Variants in MLLT3 observed in about 807,000 individuals in gnomAD.
MLLT3 encodes the protein MLLT3 super elongation complex subunit, also known as protein AF-9.
A neutral mutation model predicts 53.2 loss-of-function variants in MLLT3; 4 were observed. The observed-to-expected ratio is 0.08, with a 90% CI of 0.04 to 0.17. The LOEUF is 0.17. Among genes scored for constraint, MLLT3 ranks in the 10% least tolerant of loss-of-function variants. The pLI, the probability that MLLT3 is intolerant of heterozygous loss-of-function variation, is 1.00. For missense variants in MLLT3, 569 were observed against 684.0 expected, an observed-to-expected ratio of 0.83 and a Z score of 1.87; for synonymous variants, 283 against 230.6, an observed-to-expected ratio of 1.23 and a Z score of -2.06.
chr9:20,571,151 GATTT>G, intron 2 of MLLT3, among the ~76,000 whole-genome samples: 1 of 152,174 alleles, frequency 6.6e-6, no homozygotes, highest in Non-Finnish European at 1.5e-5. Flanking sequence ...GGGAAACAAA[GATTT>G]ATTTTCATAT....
At position 20,346,615 on chromosome 9, in the gene MLLT3, A is replaced by T. The variant is rs780004593; in HGVS notation, c.1576-41T>A. On this transcript the variant is annotated intron_variant, in intron 10 of 10. Transcript: ENST00000380338. ...AGAGAAAGTTTGGGCAATACGCAGCAAACATCAAAAGGCAAAGAGAGAGTA... is the reference window on the plus strand; with the variant it reads ...AGAGAAAGTTTGGGCAATACGCAGCTAACATCAAAAGGCAAAGAGAGAGTA... The T allele has an allele frequency of 3.1e-5, 49 of 1,598,256 alleles. 1 individual carries two copies. In the South Asian group the frequency reaches 5.2e-4, roughly 17 times the overall value.
chr9:20,518,347 AAAACAAACAAAC>A (rs898253780), intron 2 of MLLT3, among the ~76,000 whole-genome samples: 1 of 152,318 alleles, frequency 6.6e-6, no homozygotes, highest in Non-Finnish European at 1.5e-5. Context: ...ACTCCGTCTC[AAAACAAACAAAC>A]AAACAAACAA....
chr9:20,365,494 C>T (rs957927150), intron 6 of MLLT3, among the ~76,000 whole-genome samples, 175 bp downstream of exon 6: 12 of 152,278 alleles, frequency 7.9e-5, no homozygotes, highest in Middle Eastern at 3.4e-3. Flanking sequence ...CATGCCACCA[C>T]GCCTGGCTAA....
At chr9:20,548,883 C>G (rs531371432) in intron 2 of MLLT3, among the ~76,000 whole-genome samples, 14 of 151,586 alleles carry the variant, frequency 9.2e-5, no homozygotes, top group Non-Finnish European at 1.9e-4. Context: ...TGCAGTGGCA[C>G]CATCACTGCA....
intron 5 of MLLT3, among the ~76,000 whole-genome samples, chr9:20,393,534 G>A (rs893412370): frequency 6.6e-6 from 1 of 152,100 alleles, no homozygotes; most frequent in Non-Finnish European, 1.5e-5. Context: ...ATTTCCCTTC[G>A]ATTTCAAAAA....
chr9:20,345,612 C>G lies in MLLT3; in HGVS notation c.*831G>C, dbSNP rs549664983. The G allele has an allele frequency of 1.5e-4, 32 of 208,494 alleles. No homozygotes were observed. The highest frequency in any genetic ancestry group is 1.2e-3 in the Admixed American group (21 of 16,846). The allele number at this position is 208,494 out of a possible 1,614,324, so 12.9% of individuals were successfully genotyped here. A position where few individuals can be genotyped will look rare whatever the true frequency, so the allele number is the denominator to read the frequency against. On this transcript the variant is annotated 3_prime_UTR_variant, in exon 11 of 11. Coordinates refer to ENST00000380338, the MANE Select transcript of MLLT3 (RefSeq NM_004529.4). ...CAGCTCAACAATGCTGGATTCAGGA[C>G]ATTTACAGGTACACTTTTGTTTAAA...
At chr9:20,504,761 C>A (rs1176520451) in intron 2 of MLLT3, among the ~76,000 whole-genome samples, 2 of 151,908 alleles carry the variant, frequency 1.3e-5, no homozygotes, top group African/African-American at 4.8e-5. Context: ...ATGATGAGTA[C>A]CTGAGATAAT....
intron 2 of MLLT3, among the ~76,000 whole-genome samples, chr9:20,504,253 C>T (rs781163422): frequency 5.3e-4 from 81 of 151,934 alleles, no homozygotes; most frequent in African/African-American, 1.8e-3. Flanking sequence ...ATTTTCACTG[C>T]AGTACTAGTT....
At chr9:20,388,493 C>A (rs1451812745) in intron 5 of MLLT3, among the ~76,000 whole-genome samples, 1 of 152,058 alleles carries the variant, frequency 6.6e-6, no homozygotes, top group Non-Finnish European at 1.5e-5. Context: ...GAGGCTGAGG[C>A]AGGAGAATGG....
Position 20,448,299 on chromosome 9 carries a change from G to C in MLLT3, c.277-33C>G. 6.2e-7 allele frequency: 1 copy of C among 1,604,712 alleles called. No homozygotes were observed. The highest frequency in any genetic ancestry group is 1.3e-5 in the African/African-American group (1 of 74,484). On this transcript the variant is annotated intron_variant, in intron 3 of 10. Coordinates refer to ENST00000380338, the MANE Select transcript of MLLT3 (RefSeq NM_004529.4). The surrounding 1 kb of genome is among the most constrained non-coding windows in gnomAD (Gnocchi z 4.0). ...TTAACAAAAATTATGAAAGAAAAAA[G>C]AGAGTGAGGCATAAGTGAAATTTTA...
chr9:20,488,682 G>A (rs1824872668), intron 2 of MLLT3, among the ~76,000 whole-genome samples: 1 of 152,158 alleles, frequency 6.6e-6, no homozygotes, highest in Admixed American at 6.5e-5. Context: ...GCTTCTGAAA[G>A]ATTTGCTCTC....
At chr9:20,377,378 G>T (rs1821794470) in intron 5 of MLLT3, among the ~76,000 whole-genome samples, 1 of 151,904 alleles carries the variant, frequency 6.6e-6, no homozygotes, top group Non-Finnish European at 1.5e-5. Context: ...ATTGAACAAA[G>T]TCATAAAAAG....
intron 2 of MLLT3, among the ~76,000 whole-genome samples, chr9:20,525,940 C>A (rs1250696449): frequency 1.3e-5 from 2 of 152,148 alleles, no homozygotes; most frequent in Non-Finnish European, 2.9e-5. Context: ...AAAAGCAATA[C>A]ATTTTATAAT....
chr9:20,463,403 G>A (rs901574733), intron 2 of MLLT3, among the ~76,000 whole-genome samples: 1 of 151,892 alleles, frequency 6.6e-6, no homozygotes, highest in Non-Finnish European at 1.5e-5. Flanking sequence ...CATCTTGAGG[G>A]AATATAACAG....
intron 4 of MLLT3, among the ~76,000 whole-genome samples, chr9:20,419,580 C>G (rs1822956160): frequency 6.7e-6 from 1 of 149,818 alleles, no homozygotes; most frequent in African/African-American, 2.4e-5. Context: ...AGAATAATTA[C>G]TTAAAATTGA....
intron 2 of MLLT3, among the ~76,000 whole-genome samples, chr9:20,556,165 TTTTA>T (rs1200099960): frequency 1.3e-5 from 2 of 152,288 alleles, no homozygotes; most frequent in South Asian, 2.1e-4. Flanking sequence ...ACAGAAATAT[TTTTA>T]TTTTTTATCA....
At chr9:20,456,633 A>C in intron 3 of MLLT3, 71 bp downstream of exon 3, 1 of 1,118,902 alleles carries the variant, frequency 8.9e-7, no homozygotes, top group South Asian at 1.3e-5. Flanking sequence ...TTATGAGTCA[A>C]AATTATTTTA....
At chr9:20,508,379 T>C (rs374923598) in intron 2 of MLLT3, among the ~76,000 whole-genome samples, 3 of 152,164 alleles carry the variant, frequency 2.0e-5, no homozygotes, top group Non-Finnish European at 2.9e-5. Context: ...AAAAGGAGAA[T>C]GAAAGTGTTT....
At position 20,480,447 on chromosome 9, in the gene MLLT3, G is replaced by A. The variant is rs138753880; in HGVS notation, c.194-23661C>T. Among the ~76,000 whole-genome samples, 184 of 152,256 alleles carry A rather than the reference G, an allele frequency of 1.2e-3. 1 individual carries two copies. In the South Asian group the frequency reaches 0.016, roughly 14 times the overall value. On this transcript the variant is annotated intron_variant, in intron 2 of 10. Coordinates refer to ENST00000380338, the MANE Select transcript of MLLT3 (RefSeq NM_004529.4). Reference sequence around the variant, plus strand: ...AAACAGATCCACTTGAATAATTCCTGAGCTTGGATGAGCAAAGACAAATTT... The same window carrying A: ...AAACAGATCCACTTGAATAATTCCTAAGCTTGGATGAGCAAAGACAAATTT...
Sources: allele counts gnomAD v4.1 joint callset (sites outside exome capture counted in the v4.1 genomes callset), GRCh38; gene constraint gnomAD v4.1.1; non-coding constraint Gnocchi (gnomAD v3.1); transcripts MANE v1.5; gene names NCBI Gene and HGNC (gene_info 2026-07-23, HGNC 2026-07-21).